FAT3: variants seen among roughly 807,000 people sequenced by gnomAD.
The protein encoded by FAT3 is protocadherin Fat 3.
FAT3 carries 95 observed loss-of-function variants against 310.2 expected under a neutral mutation model. The ratio of observed to expected loss-of-function variants is 0.31; its 90% CI spans 0.26 to 0.36. The LOEUF is 0.36. Among genes scored for constraint, FAT3 ranks in the 10% least tolerant of loss-of-function variants. The probability of loss-of-function intolerance (pLI) is 1.00; values close to 1 mark genes in which losing one functional copy is unlikely to be tolerated. For missense variants in FAT3, 5,408 were observed against 5,715.6 expected, an observed-to-expected ratio of 0.95 and a Z score of 1.74; for synonymous variants, 2,314 against 2,192.9, an observed-to-expected ratio of 1.06 and a Z score of -1.54.
At chr11:92,827,639 C>G (rs1948135180) in intron 13 of FAT3, among the ~76,000 whole-genome samples, 1 of 152,050 alleles carries the variant, frequency 6.6e-6, no homozygotes, top group Admixed American at 6.6e-5. Context: ...TCCATTTGGC[C>G]CATTGAGAGG....
At chr11:92,867,358 T>C (rs1949276412) in intron 22 of FAT3, 149 bp downstream of exon 22, 3 of 882,724 alleles carry the variant, frequency 3.4e-6, no homozygotes, top group Non-Finnish European at 5.0e-6. Flanking sequence ...TAATCTGCTT[T>C]AGGGAAGTCT....
intron 2 of FAT3, among the ~76,000 whole-genome samples, chr11:92,467,397 C>T (rs1410574669): frequency 6.6e-6 from 1 of 152,072 alleles, no homozygotes; most frequent in African/African-American, 2.4e-5. Context: ...AGTAATTCTC[C>T]TCTTTTGTGA....
intron 1 of FAT3, among the ~76,000 whole-genome samples, chr11:92,248,423 G>A (rs1471588053): frequency 1.3e-5 from 2 of 152,040 alleles, no homozygotes; most frequent in African/African-American, 4.8e-5. Flanking sequence ...ATGTAAATAC[G>A]AAAGGTAATG....
intron 3 of FAT3, among the ~76,000 whole-genome samples, chr11:92,594,031 C>G (rs560979854): frequency 5.3e-5 from 8 of 152,230 alleles, no homozygotes; most frequent in African/African-American, 1.9e-4. Context: ...CATCTGTAAA[C>G]AGGGACATGT....
intron 22 of FAT3, among the ~76,000 whole-genome samples, chr11:92,868,351 TG>T (rs1949299138): frequency 1.3e-5 from 2 of 152,154 alleles, no homozygotes; most frequent in African/African-American, 4.8e-5. Context: ...CCAAGTACCC[TG>T]GGGGGAAATT....
intron 2 of FAT3, among the ~76,000 whole-genome samples, chr11:92,412,736 TATATATATAAATATAC>T (rs1204549479): frequency 0.2 from 2,925 of 14,858 alleles, 571 homozygotes; most frequent in Non-Finnish European, 0.27. Flanking sequence ...TATATATATA[TATATATATAAATATAC>T]ATACATATAT....
intron 2 of FAT3, among the ~76,000 whole-genome samples, chr11:92,428,628 A>G (rs767850402): frequency 4.6e-5 from 7 of 151,990 alleles, no homozygotes; most frequent in Non-Finnish European, 8.8e-5. Context: ...TTCTACCTCA[A>G]TTTCATTATT....
At position 92,799,677 on chromosome 11, in the gene FAT3, A is replaced by G. The variant is rs1409058036; in HGVS notation, c.6664A>G (p.Ile2222Val). Residue 2222 changes from isoleucine to valine, a missense_variant, in exon 10 of 28, where the codon ATT becomes GTT. Ile to Val is a conservative substitution (Grantham distance 29, BLOSUM62 3). Coordinates refer to ENST00000525166, the MANE Select transcript of FAT3 (RefSeq NM_001367949.2). ...AGAAGGCCAAGGCATCATATATATCATTATCGATGGGGACCCTTTTAAACA... is the reference window on the plus strand; with the variant it reads ...AGAAGGCCAAGGCATCATATATATCGTTATCGATGGGGACCCTTTTAAACA... ...SPEGQGIIYI[I>V]IDGDPFKQFN... 1 of 1,613,570 alleles carries G rather than the reference A, an allele frequency of 6.2e-7. No individual in the cohort carries two copies. Among genetic ancestry groups the G allele is most frequent in the South Asian group, 1.1e-5 (1 of 90,998 alleles).
intron 13 of FAT3, among the ~76,000 whole-genome samples, chr11:92,816,977 A>G (rs1947841202): frequency 1.3e-5 from 2 of 152,122 alleles, no homozygotes; most frequent in Non-Finnish European, 2.9e-5. Context: ...CTCCATCTCA[A>G]AAAAAATCAA....
In FAT3 at chr11:92,567,453, T is replaced by C. The variant is rs527296151; in HGVS notation, c.3607+42505T>C. Among the ~76,000 whole-genome samples the C allele has an allele frequency of 2.0e-5, 3 of 149,290 alleles. No homozygotes were observed. The South Asian group carries it at 6.5e-4, about 32-fold the overall frequency. On this transcript the variant is annotated intron_variant, in intron 3 of 27. Coordinates refer to ENST00000525166, the MANE Select transcript of FAT3 (RefSeq NM_001367949.2). ...ACTGTTGGTGGGACTGTAAACTAGT[T>C]CAACCATTGTGGAAGTCAGTGTGGC...
intron 3 of FAT3, among the ~76,000 whole-genome samples, chr11:92,658,369 G>A (rs1043561723): frequency 6.6e-6 from 1 of 152,168 alleles, no homozygotes; most frequent in South Asian, 2.1e-4. Flanking sequence ...TACACTGGCC[G>A]CATTTCATGT....
chr11:92,306,103 A>C (rs996541477), intron 1 of FAT3, among the ~76,000 whole-genome samples: 2 of 151,852 alleles, frequency 1.3e-5, no homozygotes, highest in Admixed American at 6.6e-5. Context: ...TTTTTAGGAG[A>C]TATTATGCTT....
At chr11:92,261,405 C>T (rs940600240) in intron 1 of FAT3, among the ~76,000 whole-genome samples, 5 of 152,054 alleles carry the variant, frequency 3.3e-5, no homozygotes, top group Middle Eastern at 3.2e-3. Flanking sequence ...AAACTGGATT[C>T]CCCACTATAC....
chr11:92,885,568 T>C (rs1467346694), intron 24 of FAT3, among the ~76,000 whole-genome samples: 1 of 152,192 alleles, frequency 6.6e-6, no homozygotes, highest in Admixed American at 6.5e-5. Context: ...TTTTAAGCAG[T>C]TGCCCTTGAA....
At chr11:92,604,473 C>T (rs1412784540) in intron 3 of FAT3, among the ~76,000 whole-genome samples, 3 of 152,136 alleles carry the variant, frequency 2.0e-5, no homozygotes, top group African/African-American at 7.2e-5. Flanking sequence ...TGGGTAGTCT[C>T]CAGTCTCACA....
intron 23 of FAT3, among the ~76,000 whole-genome samples, chr11:92,882,391 TC>T (rs1949688074): frequency 6.6e-6 from 1 of 151,940 alleles, no homozygotes; most frequent in African/African-American, 2.4e-5. Flanking sequence ...GGATTTGGAG[TC>T]CAGTACCTTT....
At position 92,743,054 on chromosome 11, in the gene FAT3, G is replaced by A. The variant is rs575464009; in HGVS notation, c.3670-18802G>A. Among the ~76,000 whole-genome samples, 212 of 152,288 alleles carry A rather than the reference G, an allele frequency of 1.4e-3. 1 individual carries two copies. Among genetic ancestry groups the A allele is most frequent in the Middle Eastern group, 3.4e-3 (1 of 294 alleles). Reference sequence around the variant, plus strand: ...AAGCACTTCTTAAAGTATGTTCCTTGAAATATCAGACCTACAGCCCTCAGA... The same window carrying A: ...AAGCACTTCTTAAAGTATGTTCCTTAAAATATCAGACCTACAGCCCTCAGA... On this transcript the variant is annotated intron_variant, in intron 4 of 27. Coordinates refer to ENST00000525166, the MANE Select transcript of FAT3 (RefSeq NM_001367949.2).
rs568203866 is a variant in FAT3, at chr11:92,709,820, A to G, written c.3669+12375A>G. Among the ~76,000 whole-genome samples, 6 of 152,344 alleles carry G rather than the reference A, an allele frequency of 3.9e-5. No homozygotes were observed. In the South Asian group the frequency reaches 6.2e-4, roughly 16 times the overall value. On this transcript the variant is annotated intron_variant, in intron 4 of 27. Transcript: ENST00000525166. ...TTTCTCCCACCGCATCCCAGTCTGT[A>G]CTGAGGTGGCTTGCCAACCCCAGCT... is the stretch of plus-strand genomic sequence containing the variant.
intron 2 of FAT3, among the ~76,000 whole-genome samples, chr11:92,446,273 A>C (rs1251175735): frequency 6.6e-6 from 1 of 152,236 alleles, no homozygotes; most frequent in African/African-American, 2.4e-5. Flanking sequence ...CCTAGTATAC[A>C]TGGGAATGTG....
Sources: allele counts gnomAD v4.1 joint callset (sites outside exome capture counted in the v4.1 genomes callset), GRCh38; gene constraint gnomAD v4.1.1; transcripts MANE v1.5; gene names NCBI Gene and HGNC (gene_info 2026-07-23, HGNC 2026-07-21).